The following SLC24A2 variants were observed in gnomAD, a reference collection of about 807,000 sequenced individuals.
SLC24A2 encodes the protein sodium/potassium/calcium exchanger 2.
SLC24A2 carries 36 observed loss-of-function variants against 62.0 expected under a neutral mutation model. The ratio of observed to expected loss-of-function variants is 0.58; its 90% CI spans 0.44 to 0.77. The LOEUF (loss-of-function observed/expected upper bound fraction) is 0.77. SLC24A2 is among the 30% of genes least tolerant of loss of function. SLC24A2 has a pLI of 0.00. For missense variants in SLC24A2, 846 were observed against 817.9 expected (o/e 1.03, Z -0.42); for synonymous variants, 358 against 294.0 (o/e 1.22, Z -2.23).
the SLC24A2 span, among the ~76,000 whole-genome samples, chr9:20,204,392 A>T: frequency 6.6e-6 from 1 of 152,236 alleles, no homozygotes; most frequent in Admixed American, 6.5e-5. Context: ...ATCTACAAGC[A>T]TGGCTATTTT....
intron 2 of SLC24A2, among the ~76,000 whole-genome samples, chr9:19,652,588 A>G (rs888673370): frequency 2.6e-5 from 4 of 152,100 alleles, no homozygotes; most frequent in Non-Finnish European, 4.4e-5. Context: ...AGAGACAAAT[A>G]AATTCTCCTC....
the SLC24A2 span, among the ~76,000 whole-genome samples, chr9:20,088,332 G>A: frequency 4.6e-5 from 7 of 152,226 alleles, 1 homozygote; most frequent in Admixed American, 1.3e-4. Flanking sequence ...CGGCTTTGCT[G>A]TTTTGCAGCC....
the SLC24A2 span, among the ~76,000 whole-genome samples, chr9:19,948,538 T>C: frequency 6.6e-6 from 1 of 151,944 alleles, no homozygotes; most frequent in Non-Finnish European, 1.5e-5. Flanking sequence ...TGGTAGAGAT[T>C]GAAGAATAGA....
chr9:19,957,011 T>A, the SLC24A2 span, among the ~76,000 whole-genome samples: 1 of 152,236 alleles, frequency 6.6e-6, no homozygotes, highest in Admixed American at 6.5e-5. Flanking sequence ...AAATTTCTGA[T>A]GTTTATAAGC....
the SLC24A2 span, among the ~76,000 whole-genome samples, chr9:19,919,129 G>A: frequency 3.3e-5 from 5 of 152,126 alleles, no homozygotes; most frequent in African/African-American, 4.8e-5. Context: ...GAACCTATCC[G>A]AGCTTGCTTC....
the SLC24A2 span, among the ~76,000 whole-genome samples, chr9:19,977,479 T>A: frequency 6.6e-6 from 1 of 152,048 alleles, no homozygotes; most frequent in Non-Finnish European, 1.5e-5. Flanking sequence ...GAGAGAATGA[T>A]GGCCTTTTCT....
the SLC24A2 span, among the ~76,000 whole-genome samples, chr9:20,063,273 A>G: frequency 6.6e-6 from 1 of 151,446 alleles, no homozygotes; most frequent in East Asian, 1.9e-4. Context: ...CTGGATTAAG[A>G]AAATGTGGCA....
the SLC24A2 span, among the ~76,000 whole-genome samples, chr9:20,183,738 A>G: frequency 1.3e-5 from 2 of 152,332 alleles, no homozygotes; most frequent in Non-Finnish European, 2.9e-5. Flanking sequence ...GACTCAAGAC[A>G]TATCTATGGT....
chr9:19,989,714 C>G, the SLC24A2 span, among the ~76,000 whole-genome samples: 5 of 152,186 alleles, frequency 3.3e-5, no homozygotes, highest in African/African-American at 1.2e-4. Flanking sequence ...ACCTAGACAA[C>G]TACATGGGTC....
chr9:20,113,596 T>C, the SLC24A2 span, among the ~76,000 whole-genome samples: 1 of 152,198 alleles, frequency 6.6e-6, no homozygotes, highest in Non-Finnish European at 1.5e-5. Context: ...ATATTGGTTA[T>C]AAAAATTTGT....
chr9:19,729,421 T>C (rs1222942388), intron 2 of SLC24A2, among the ~76,000 whole-genome samples: 2 of 152,216 alleles, frequency 1.3e-5, no homozygotes, highest in African/African-American at 4.8e-5. Context: ...CTGCACTCCA[T>C]ATTTATTGCA....
At chr9:20,256,666 G>T in the SLC24A2 span, among the ~76,000 whole-genome samples, 1 of 152,076 alleles carries the variant, frequency 6.6e-6, no homozygotes, top group Non-Finnish European at 1.5e-5. Context: ...GCAGTTCTTA[G>T]GTTCAGGGGA....
At chr9:20,278,879 G>C in the SLC24A2 span, among the ~76,000 whole-genome samples, 19 of 152,242 alleles carry the variant, frequency 1.2e-4, no homozygotes, top group African/African-American at 4.3e-4. Flanking sequence ...TGCTAATAAA[G>C]ACATACCCTA....
intron 2 of SLC24A2, among the ~76,000 whole-genome samples, chr9:19,734,228 CT>C (rs1821428445): frequency 6.6e-6 from 1 of 152,136 alleles, no homozygotes; most frequent in Non-Finnish European, 1.5e-5. Flanking sequence ...TGGCTCTGTT[CT>C]GTTCCATTGG....
chr9:19,975,916 G>GT, the SLC24A2 span, among the ~76,000 whole-genome samples: 1 of 151,964 alleles, frequency 6.6e-6, no homozygotes, highest in South Asian at 2.1e-4. Flanking sequence ...TTGTTTGTTT[G>GT]TTTTTTTGAG....
At chr9:19,912,032 CT>C in the SLC24A2 span, among the ~76,000 whole-genome samples, 6 of 152,084 alleles carry the variant, frequency 3.9e-5, no homozygotes, top group African/African-American at 1.4e-4. Context: ...ATATTTTAAG[CT>C]TTCTTTTAAA....
intron 7 of SLC24A2, among the ~76,000 whole-genome samples, chr9:19,572,395 A>T (rs988786409): frequency 7.9e-5 from 12 of 152,074 alleles, no homozygotes; most frequent in African/African-American, 2.4e-4. Flanking sequence ...TAATCCCCAT[A>T]TGTTGCGGGG....
the SLC24A2 span, among the ~76,000 whole-genome samples, chr9:19,831,542 A>T: frequency 6.6e-6 from 1 of 152,236 alleles, no homozygotes; most frequent in African/African-American, 2.4e-5. Flanking sequence ...AAATCAAATC[A>T]GTTCAAACAA....
the SLC24A2 span, among the ~76,000 whole-genome samples, chr9:20,008,434 C>A: frequency 8.5e-5 from 13 of 152,122 alleles, no homozygotes; most frequent in Admixed American, 3.3e-4. Flanking sequence ...TGGTGGTGAA[C>A]TTCACTCTAC....
Sources: gnomAD v4.1 joint callset for allele counts (sites outside exome capture counted in the v4.1 genomes callset) on GRCh38, gnomAD v4.1.1 for gene constraint, MANE v1.5 for transcripts, NCBI Gene and HGNC (gene_info 2026-07-23, HGNC 2026-07-21) for gene names.